The following QTGAL variants were observed in gnomAD, a reference collection of about 807,000 sequenced individuals.
QTGAL encodes queuosine-tRNA galactosyltransferase.
At chr17:82,976,310 T>C in the QTGAL span, among the ~76,000 whole-genome samples, 60 of 44,902 alleles carry the variant, frequency 1.3e-3, 1 homozygote, top group Admixed American at 2.1e-3. Flanking sequence ...TCCCAGGGGC[T>C]GGAGGCCACT....
the QTGAL span, among the ~76,000 whole-genome samples, chr17:83,008,774 G>A: frequency 6.6e-6 from 1 of 152,208 alleles, no homozygotes; most frequent in Non-Finnish European, 1.5e-5. Flanking sequence ...GCCATTGAGC[G>A]AGTGCGCGGG....
At chr17:83,026,640 C>A in the QTGAL span, among the ~76,000 whole-genome samples, 4 of 148,108 alleles carry the variant, frequency 2.7e-5, 1 homozygote, top group Non-Finnish European at 6.0e-5. Context: ...AGGAAGCCTG[C>A]AGACAAACCC....
chr17:82,984,352 C>A, the QTGAL span, among the ~76,000 whole-genome samples: 1 of 141,406 alleles, frequency 7.1e-6, no homozygotes. Flanking sequence ...GGAGAGGCCA[C>A]AGAAGGACGC....
chr17:82,953,226 C>CA, the QTGAL span, among the ~76,000 whole-genome samples: 1 of 151,888 alleles, frequency 6.6e-6, no homozygotes, highest in Admixed American at 6.6e-5. Context: ...AAAATCCCTT[C>CA]AAAAAAATCA....
chr17:82,983,740 C>A, the QTGAL span, among the ~76,000 whole-genome samples: 1 of 152,048 alleles, frequency 6.6e-6, no homozygotes, highest in African/African-American at 2.4e-5. Flanking sequence ...CCAGGCAGGG[C>A]AGGGGCCCCG....
At chr17:83,005,216 A>G in the QTGAL span, 1 of 1,601,242 alleles carries the variant, frequency 6.2e-7, no homozygotes, top group Non-Finnish European at 8.5e-7. This position sits in a 1 kb window ranked among gnomAD's most constrained non-coding sequence, Gnocchi z 5.6. Flanking sequence ...ATGATCTGTG[A>G]AAAACAACGG....
chr17:82,945,727 C>A, the QTGAL span: 1 of 152,082 alleles, frequency 6.6e-6, no homozygotes. Context: ...AAGCAGCATC[C>A]CCCTACCCAG....
chr17:83,045,436 T>C, the QTGAL span, among the ~76,000 whole-genome samples: 1 of 152,164 alleles, frequency 6.6e-6, no homozygotes, highest in African/African-American at 2.4e-5. Flanking sequence ...TAAGTCAAAA[T>C]AGATCAAAGG....
chr17:83,017,161 G>A, the QTGAL span, among the ~76,000 whole-genome samples: 72,396 of 151,986 alleles, frequency 0.48, 17,534 homozygotes, highest in African/African-American at 0.56. Flanking sequence ...CGTGGAGGTA[G>A]AAGGATGGCG....
At chr17:82,992,132 GA>G in the QTGAL span, among the ~76,000 whole-genome samples, 3 of 152,134 alleles carry the variant, frequency 2.0e-5, no homozygotes, top group Non-Finnish European at 4.4e-5. Context: ...GATAGGGGTA[GA>G]AAATTTATTC....
At chr17:82,947,881 T>C in the QTGAL span, 1 of 152,264 alleles carries the variant, frequency 6.6e-6, no homozygotes, top group Non-Finnish European at 1.5e-5. Context: ...GTCTCTCTGC[T>C]CTAGAGTTTG....
the QTGAL span, chr17:83,048,794 CA>C: frequency 2.5e-6 from 4 of 1,604,476 alleles, no homozygotes; most frequent in South Asian, 4.4e-5. Flanking sequence ...GACTGGAATT[CA>C]AAAGAAATGG....
the QTGAL span, among the ~76,000 whole-genome samples, chr17:82,995,348 C>T: frequency 6.6e-6 from 1 of 151,582 alleles, no homozygotes; most frequent in South Asian, 2.1e-4. Context: ...TTTCAGGATA[C>T]AAAATCAACA....
At chr17:82,990,485 C>G in the QTGAL span, among the ~76,000 whole-genome samples, 1 of 152,394 alleles carries the variant, frequency 6.6e-6, no homozygotes, top group Non-Finnish European at 1.5e-5. Flanking sequence ...GGCCAAGCCA[C>G]TCATCTGGAT....
At chr17:83,036,231 C>T in the QTGAL span, among the ~76,000 whole-genome samples, 3 of 152,344 alleles carry the variant, frequency 2.0e-5, no homozygotes, top group Admixed American at 6.5e-5. Context: ...GTACACACAG[C>T]GTGGGTGCCT....
the QTGAL span, among the ~76,000 whole-genome samples, chr17:83,040,603 G>T: frequency 6.6e-6 from 1 of 152,086 alleles, no homozygotes; most frequent in African/African-American, 2.4e-5. Context: ...GAGTCAGACT[G>T]GTGTAAGATT....
At chr17:82,965,333 C>T in the QTGAL span, among the ~76,000 whole-genome samples, 1 of 152,174 alleles carries the variant, frequency 6.6e-6, no homozygotes, top group Admixed American at 6.5e-5. Flanking sequence ...ACAGCTCTGC[C>T]AAAAGCTTCC....
the QTGAL span, among the ~76,000 whole-genome samples, chr17:82,996,805 C>A: frequency 1.3e-5 from 2 of 152,130 alleles, no homozygotes. Flanking sequence ...AAGAGATGGT[C>A]TCTTCAATAA....
At chr17:82,946,964 A>G in the QTGAL span, 7 of 1,567,162 alleles carry the variant, frequency 4.5e-6, no homozygotes, top group East Asian at 1.2e-4. Context: ...GTTGTCCTCA[A>G]AGGCGCCCCC....
Sources: gnomAD v4.1 joint callset for allele counts (sites outside exome capture counted in the v4.1 genomes callset) on GRCh38, gnomAD v4.1.1 for gene constraint, Gnocchi (gnomAD v3.1) non-coding constraint, MANE v1.5 for transcripts, NCBI Gene and HGNC (gene_info 2026-07-23, HGNC 2026-07-21) for gene names.